TAOK1: variants seen among roughly 807,000 people sequenced by gnomAD.
TAOK1 encodes the protein serine/threonine-protein kinase TAO1.
In TAOK1, 21 loss-of-function variants were observed where a neutral mutation model predicts 138.3. That is an observed-to-expected ratio of 0.15 (90% confidence interval 0.11 to 0.22). The LOEUF is 0.22. TAOK1 is among the 10% of genes least tolerant of loss of function. The pLI is 1.00. For synonymous variants in TAOK1, 361 were observed against 398.4 expected (o/e 0.91, Z 1.12); for missense variants, 651 against 1,227.7 (o/e 0.53, Z 7.02).
chr17:29,434,166 C>T (rs1214026579), intron 1 of TAOK1, among the ~76,000 whole-genome samples: 1 of 152,182 alleles, frequency 6.6e-6, no homozygotes, highest in Non-Finnish European at 1.5e-5. Flanking sequence ...TACCCTTTTG[C>T]TGGCATGTTG....
chr17:29,504,290 A>AAAAG (rs2031587977), intron 13 of TAOK1, among the ~76,000 whole-genome samples: 1 of 148,864 alleles, frequency 6.7e-6, no homozygotes, highest in Non-Finnish European at 1.5e-5. Context: ...AAAAAAAAAA[A>AAAAG]AAAAAAAAGG....
intron 1 of TAOK1, among the ~76,000 whole-genome samples, chr17:29,410,371 C>T (rs1406270137): frequency 6.6e-6 from 1 of 151,920 alleles, no homozygotes; most frequent in Non-Finnish European, 1.5e-5. Context: ...CTTCCTCACA[C>T]TCCCGAGTAG....
Position 29,454,427 on chromosome 17 carries a change from C to CT in TAOK1, c.132+2757dup, listed in dbSNP as rs996237034. ...AATTTCATATGAATTTGAGGATTGG[C>CT]TTTTTTTTTTCTTATTACCACTTTC... is the stretch of plus-strand genomic sequence containing the variant. On this transcript the variant is annotated intron_variant, in intron 2 of 19. Transcript: ENST00000261716. Among the ~76,000 whole-genome samples, 22 of 147,976 alleles carry CT rather than the reference C, an allele frequency of 1.5e-4. No homozygotes were observed. The East Asian group carries it at 1.8e-3, about 12-fold the overall frequency.
At chr17:29,520,067 G>A (rs2031887529) in intron 16 of TAOK1, among the ~76,000 whole-genome samples, 1 of 151,648 alleles carries the variant, frequency 6.6e-6, no homozygotes, top group Non-Finnish European at 1.5e-5. Context: ...TGTAATCCCA[G>A]CTACTCAAGA....
chr17:29,441,016 T>A (rs2029927225), intron 1 of TAOK1, among the ~76,000 whole-genome samples: 2 of 152,252 alleles, frequency 1.3e-5, no homozygotes, highest in Admixed American at 6.5e-5. Flanking sequence ...TGAATCACCC[T>A]TGCATTCCTA....
chr17:29,431,398 T>G (rs912449818), intron 1 of TAOK1, among the ~76,000 whole-genome samples: 4 of 151,984 alleles, frequency 2.6e-5, no homozygotes, highest in Admixed American at 1.3e-4. Flanking sequence ...GCTGTGCTTG[T>G]GTTACTGCAC....
At chr17:29,428,956 A>G (rs1343768787) in intron 1 of TAOK1, among the ~76,000 whole-genome samples, 1 of 152,076 alleles carries the variant, frequency 6.6e-6, no homozygotes, top group African/African-American at 2.4e-5. Context: ...TAAATAAGCA[A>G]AATGCCTGGA....
At chr17:29,497,789 A>G (rs1218096365) in intron 11 of TAOK1, among the ~76,000 whole-genome samples, 1 of 151,684 alleles carries the variant, frequency 6.6e-6, no homozygotes, top group Non-Finnish European at 1.5e-5. Flanking sequence ...GAATCTACTT[A>G]TGAAAGGCTG....
At chr17:29,391,953 A>C (rs536261549) in intron 1 of TAOK1, among the ~76,000 whole-genome samples, 3 of 152,316 alleles carry the variant, frequency 2.0e-5, no homozygotes, top group African/African-American at 7.2e-5. Context: ...GCGGTGGCTC[A>C]CGCCTGTAAT....
intron 2 of TAOK1, among the ~76,000 whole-genome samples, chr17:29,459,080 A>G (rs1451469655): frequency 6.6e-6 from 1 of 151,778 alleles, no homozygotes; most frequent in Admixed American, 6.6e-5. Flanking sequence ...CTTAAGGAGA[A>G]TTTGTAGATT....
intron 2 of TAOK1, among the ~76,000 whole-genome samples, chr17:29,462,536 C>T (rs1305377105): frequency 2.0e-5 from 3 of 152,150 alleles, no homozygotes; most frequent in Non-Finnish European, 4.4e-5. Flanking sequence ...GGGTTTTGTT[C>T]ATTTCTTGAA....
chr17:29,502,303 G>A (rs1388458878), intron 12 of TAOK1, among the ~76,000 whole-genome samples: 1 of 152,148 alleles, frequency 6.6e-6, no homozygotes, highest in Admixed American at 6.5e-5. Flanking sequence ...GATGGCCCGT[G>A]CCTGTAGTTC....
chr17:29,427,209 C>T (rs554503097), intron 1 of TAOK1, among the ~76,000 whole-genome samples: 18 of 152,198 alleles, frequency 1.2e-4, no homozygotes, highest in African/African-American at 4.3e-4. Context: ...GGGGAGAACC[C>T]TGAAAACTTA....
intron 9 of TAOK1, 74 bp from the exon 10 acceptor site, chr17:29,491,710 C>T: frequency 2.0e-6 from 2 of 1,016,294 alleles, no homozygotes; most frequent in Non-Finnish European, 1.6e-6. Context: ...CACCAATAGG[C>T]ACGTGTCTTG....
chr17:29,467,003 A>C lies in TAOK1; in HGVS notation c.133-142A>C, dbSNP rs2030684515. On this transcript the variant is annotated intron_variant, in intron 2 of 19. Coordinates refer to ENST00000261716, the MANE Select transcript of TAOK1 (RefSeq NM_020791.4). ...TTTATAAGTATTGCTGTATAGTGTT[A>C]TTTTTAAAATTTTCTTTAAAAGTGG... 4 of 468,408 alleles carry C rather than the reference A, an allele frequency of 8.5e-6. No homozygotes were observed. The Admixed American group carries it at 1.4e-4, about 17-fold the overall frequency. The allele number at this position is 468,408 out of a possible 1,614,324, so 29.0% of individuals were successfully genotyped here.
At chr17:29,421,809 C>T (rs1310767980) in intron 1 of TAOK1, among the ~76,000 whole-genome samples, 1 of 152,000 alleles carries the variant, frequency 6.6e-6, no homozygotes, top group Non-Finnish European at 1.5e-5. Context: ...TGGCATGTTG[C>T]CCAGGCTGGT....
In TAOK1 at chr17:29,451,635, A is replaced by C. The variant is rs373521024; in HGVS notation, c.87A>C (p.Thr29=). ...FFKEDPEKLF[T]DLREIGHGSF... is the part of the protein sequence containing the mutation. ...AAGAAGATCCAGAGAAGCTCTTCAC[A>C]GATCTCAGAGAAATTGGCCATGGAA... Residue 29 remains threonine, a synonymous_variant, in exon 2 of 20, where the codon ACA becomes ACC. Coordinates refer to ENST00000261716, the MANE Select transcript of TAOK1 (RefSeq NM_020791.4). 3.1e-6 allele frequency: 5 copies of C among 1,613,894 alleles called. No homozygotes were observed. The African/African-American group carries it at 6.7e-5, about 22-fold the overall frequency.
At chr17:29,508,275 T>TA (rs1426753554) in intron 14 of TAOK1, 143 bp downstream of exon 14, 7 of 682,204 alleles carry the variant, frequency 1.0e-5, no homozygotes, top group African/African-American at 5.4e-5. Context: ...GTGACTTATA[T>TA]AAAGGTTTCT....
At chr17:29,405,491 A>G (rs928270739) in intron 1 of TAOK1, among the ~76,000 whole-genome samples, 3 of 152,096 alleles carry the variant, frequency 2.0e-5, no homozygotes, top group African/African-American at 7.2e-5. Context: ...AAAGACCACA[A>G]GTTTAGGCCA....
Sources: gnomAD v4.1 joint callset for allele counts (sites outside exome capture counted in the v4.1 genomes callset) on GRCh38, gnomAD v4.1.1 for gene constraint, MANE v1.5 for transcripts, NCBI Gene and HGNC (gene_info 2026-07-23, HGNC 2026-07-21) for gene names.